Variants in ANKS1B observed in about 807,000 individuals in gnomAD.
ANKS1B encodes ankyrin repeat and sterile alpha motif domain containing 1B, also known as ankyrin repeat and sterile alpha motif domain-containing protein 1B.
ANKS1B carries 36 observed loss-of-function variants against 148.3 expected under a neutral mutation model. The observed-to-expected ratio is 0.24, with a 90% CI of 0.19 to 0.32. The LOEUF is 0.32. ANKS1B is among the 10% of genes least tolerant of loss of function. The pLI is 1.00. For synonymous variants in ANKS1B, 542 were observed against 560.8 expected, an observed-to-expected ratio of 0.97 and a Z score of 0.47; for missense variants, 1,157 against 1,542.6, an observed-to-expected ratio of 0.75 and a Z score of 4.19.
chr12:99,510,892 G>A (rs1230842971), intron 9 of ANKS1B, among the ~76,000 whole-genome samples: 2 of 151,974 alleles, frequency 1.3e-5, no homozygotes, highest in Non-Finnish European at 2.9e-5. Context: ...AGAGTTTGCT[G>A]AAATTGCTTA....
chr12:98,798,832 C>T, intron 22 of ANKS1B, 102 bp downstream of exon 22: 1 of 955,910 alleles, frequency 1.0e-6, no homozygotes, highest in East Asian at 2.6e-5. Context: ...ATTCAGCAGA[C>T]CAACAGATGG....
intron 12 of ANKS1B, among the ~76,000 whole-genome samples, chr12:99,364,737 A>C (rs2092677498): frequency 6.6e-6 from 1 of 152,160 alleles, no homozygotes; most frequent in African/African-American, 2.4e-5. Flanking sequence ...TTATATCATA[A>C]ACTTATCTTC....
At position 99,455,975 on chromosome 12, in the gene ANKS1B, C is replaced by T. The variant is rs146038628; in HGVS notation, c.1439-12166G>A. 8.9e-3 allele frequency among the ~76,000 whole-genome samples: 1,348 copies of T among 152,194 alleles called. 25 individuals are homozygous for T. The highest frequency in any genetic ancestry group is 0.031 in the African/African-American group (1,266 of 41,508). On this transcript the variant is annotated intron_variant, in intron 10 of 26. Transcript: ENST00000683438. ...TTGAGGACAACCAAAACAAAACCAG[C>T]GCACTTAACAAAAATACAACCAAGG... is the stretch of plus-strand genomic sequence containing the variant.
intron 12 of ANKS1B, among the ~76,000 whole-genome samples, chr12:99,282,031 T>C (rs930361008): frequency 3.3e-5 from 5 of 152,042 alleles, no homozygotes; most frequent in Non-Finnish European, 7.4e-5. Flanking sequence ...AGAAAACAAG[T>C]CAAATGTATA....
At chr12:98,926,927 A>G (rs1166905289) in intron 17 of ANKS1B, among the ~76,000 whole-genome samples, 1 of 152,144 alleles carries the variant, frequency 6.6e-6, no homozygotes, top group African/African-American at 2.4e-5. Flanking sequence ...GACAGATAAG[A>G]GAAAAAAAGG....
intron 9 of ANKS1B, among the ~76,000 whole-genome samples, chr12:99,611,724 G>T (rs2097904157): frequency 6.6e-6 from 1 of 151,980 alleles, no homozygotes; most frequent in African/African-American, 2.4e-5. Context: ...CTTTTATGCA[G>T]GCATTCGAGG....
intron 25 of ANKS1B, among the ~76,000 whole-genome samples, chr12:98,759,972 T>G (rs944424932): frequency 4.0e-5 from 6 of 151,606 alleles, no homozygotes; most frequent in African/African-American, 9.7e-5. Flanking sequence ...AGAGTGAGAC[T>G]CCGTCTAAAA....
At chr12:99,821,361 T>C (rs1482946489) in intron 2 of ANKS1B, among the ~76,000 whole-genome samples, 2 of 151,944 alleles carry the variant, frequency 1.3e-5, no homozygotes, top group African/African-American at 4.8e-5. Flanking sequence ...TCCCACAGAC[T>C]ATCTGTAATT....
intron 11 of ANKS1B, among the ~76,000 whole-genome samples, chr12:99,418,206 A>G (rs1309505139): frequency 6.6e-6 from 1 of 152,228 alleles, no homozygotes; most frequent in Non-Finnish European, 1.5e-5. Context: ...GTTGGTATGC[A>G]AAGCAATTTT....
intron 22 of ANKS1B, among the ~76,000 whole-genome samples, chr12:98,792,663 T>A (rs976485307): frequency 6.6e-6 from 1 of 152,176 alleles, no homozygotes; most frequent in Non-Finnish European, 1.5e-5. Context: ...TTGTATGAGA[T>A]CAACTTTTTA....
intron 1 of ANKS1B, among the ~76,000 whole-genome samples, chr12:99,831,502 TTATCAC>T: frequency 6.6e-6 from 1 of 152,346 alleles, no homozygotes; most frequent in African/African-American, 2.4e-5. Flanking sequence ...ATAAAAATAT[TTATCAC>T]AGAGTGAGGG....
intron 12 of ANKS1B, among the ~76,000 whole-genome samples, chr12:99,390,057 G>C (rs1169280779): frequency 6.6e-6 from 1 of 152,120 alleles, no homozygotes; most frequent in Non-Finnish European, 1.5e-5. Flanking sequence ...CGGGTGCTCT[G>C]CAATTTGTAC....
At chr12:99,356,465 G>C (rs1157684464) in intron 12 of ANKS1B, among the ~76,000 whole-genome samples, 1 of 152,130 alleles carries the variant, frequency 6.6e-6, no homozygotes, top group African/African-American at 2.4e-5. Flanking sequence ...CCTGCTGAGA[G>C]AGCATGCCAG....
At chr12:99,945,321 G>A (rs2095033213) in intron 1 of ANKS1B, among the ~76,000 whole-genome samples, 1 of 148,266 alleles carries the variant, frequency 6.7e-6, no homozygotes, top group Non-Finnish European at 1.5e-5. Context: ...AGGCCCTGAA[G>A]TAGGAACAAG....
intron 1 of ANKS1B, among the ~76,000 whole-genome samples, chr12:99,929,851 G>A (rs7310231): frequency 4.0e-5 from 6 of 150,352 alleles, no homozygotes; most frequent in South Asian, 2.1e-4. Flanking sequence ...TGTTCCATTG[G>A]TCTATATCTC....
chr12:99,695,075 G>T (rs558072539), intron 8 of ANKS1B, among the ~76,000 whole-genome samples: 2 of 113,814 alleles, frequency 1.8e-5, no homozygotes, highest in Non-Finnish European at 4.6e-5. Context: ...ATCTCAAAGT[G>T]GGGGGGAAAT....
intron 1 of ANKS1B, among the ~76,000 whole-genome samples, chr12:99,827,101 AG>A: frequency 6.6e-6 from 1 of 152,234 alleles, no homozygotes; most frequent in East Asian, 1.9e-4. Flanking sequence ...CCTGGGCAAC[AG>A]AGCAAGACCC....
intron 10 of ANKS1B, among the ~76,000 whole-genome samples, chr12:99,468,321 A>G (rs1309896446): frequency 6.6e-6 from 1 of 152,206 alleles, no homozygotes; most frequent in Non-Finnish European, 1.5e-5. Flanking sequence ...CATTAAACCT[A>G]AAACCATAAA....
chr12:99,543,667 A>G (rs566329006), intron 9 of ANKS1B, among the ~76,000 whole-genome samples: 1 of 152,318 alleles, frequency 6.6e-6, no homozygotes, highest in South Asian at 2.1e-4. Flanking sequence ...CTATATGGAT[A>G]AATTTTGAAA....
Sources: gnomAD v4.1 joint callset for allele counts (sites outside exome capture counted in the v4.1 genomes callset) on GRCh38, gnomAD v4.1.1 for gene constraint, MANE v1.5 for transcripts, NCBI Gene and HGNC (gene_info 2026-07-23, HGNC 2026-07-21) for gene names.